The following EMP1 variants were observed in gnomAD, a reference collection of about 807,000 sequenced individuals.
EMP1 encodes tumor-associated membrane protein.
Under a neutral mutation model 15.7 loss-of-function variants are expected in EMP1, and 5 were observed. That is an observed-to-expected ratio of 0.32 (90% CI 0.17 to 0.67). The LOEUF is 0.67. Among genes scored for constraint, EMP1 ranks in the 30% least tolerant of loss-of-function variants. The pLI is 0.74. For missense variants in EMP1, 166 were observed against 194.2 expected (o/e 0.85, Z 0.86); for synonymous variants, 78 against 76.7 (o/e 1.02, Z -0.09).
At position 13,214,729 on chromosome 12, in the gene EMP1, G is replaced by A; in HGVS notation, c.*38G>A. The A allele has an allele frequency of 6.5e-7, 1 of 1,545,804 alleles. No individual in the cohort carries two copies. On this transcript the variant is annotated 3_prime_UTR_variant, in exon 5 of 5. Transcript: ENST00000256951. ...TCATGGGGATCTGGGGGGTGGGGAG[G>A]AGGAAGCCGTTGAATCTGGGAGGGA...
intron 1 of EMP1, chr12:13,199,493 G>A (rs558451615): frequency 6.6e-6 from 1 of 152,226 alleles, no homozygotes; most frequent in South Asian, 2.1e-4. Context: ...GGAGCCTGGT[G>A]GGGCACATAA....
chr12:13,206,890 T>C (rs1864114787), intron 1 of EMP1, among the ~76,000 whole-genome samples: 1 of 151,872 alleles, frequency 6.6e-6, no homozygotes, highest in Non-Finnish European at 1.5e-5. Flanking sequence ...AGGCAATGCA[T>C]GGCAGTCTCA....
chr12:13,213,617 G>C (rs759087942), intron 3 of EMP1, 42 bp downstream of exon 3: 2 of 1,613,894 alleles, frequency 1.2e-6, no homozygotes, highest in African/African-American at 2.7e-5. Flanking sequence ...AATAGGTGTG[G>C]TCAGGGAATG....
chr12:13,207,418 G>T (rs1242818266), intron 1 of EMP1, among the ~76,000 whole-genome samples: 2 of 152,188 alleles, frequency 1.3e-5, no homozygotes, highest in African/African-American at 2.4e-5. Context: ...GTCAGTGTTT[G>T]TGAGGTTTGC....
Position 13,218,445 on chromosome 12 carries a change from G to GT in EMP1, c.*3755dup, listed in dbSNP as rs1478808773. ...TGTATTTAAAGAAGAGCTAGATTTT[G>GT]TGGGGGGAGAGAAGGGAATAGGATA... On this transcript the variant is annotated 3_prime_UTR_variant, in exon 5 of 5. Transcript: ENST00000256951. 1 of 152,236 alleles carries GT rather than the reference G, an allele frequency of 6.6e-6. No homozygotes were observed. The highest frequency in any genetic ancestry group is 1.5e-5 in the Non-Finnish European group (1 of 68,040). 9.4% of individuals were successfully genotyped at this position (152,236 alleles called of 1,614,324 possible).
intron 2 of EMP1, 166 bp from the exon 3 acceptor site, chr12:13,213,313 T>A: frequency 1.5e-6 from 1 of 661,874 alleles, no homozygotes; most frequent in Non-Finnish European, 2.6e-6. Context: ...TGAACTTCAG[T>A]TTTAATCGGA....
Position 13,214,715 on chromosome 12 carries a change from T to TG in EMP1, c.*30dup. ...AAGGCCGGACGAGTTCATGGGGATCTGGGGGGTGGGGAGGAGGAAGCCGTT... is the reference window on the plus strand; with the variant it reads ...AAGGCCGGACGAGTTCATGGGGATCTGGGGGGGTGGGGAGGAGGAAGCCGTT... On this transcript the variant is annotated 3_prime_UTR_variant, in exon 5 of 5. Coordinates refer to ENST00000256951, the MANE Select transcript of EMP1 (RefSeq NM_001423.3). 1.3e-6 allele frequency: 2 copies of TG among 1,535,332 alleles called. No individual in the cohort carries two copies. Among genetic ancestry groups the TG allele is most frequent in the Non-Finnish European group, 1.8e-6 (2 of 1,137,672 alleles).
Position 13,211,361 on chromosome 12 carries a change from T to C in EMP1, c.-42-108T>C. On this transcript the variant is annotated intron_variant, in intron 1 of 4. Coordinates refer to ENST00000256951, the MANE Select transcript of EMP1 (RefSeq NM_001423.3). The surrounding 1 kb of genome is among the most constrained non-coding windows in gnomAD (Gnocchi z 4.7). The stretch of plus-strand genomic sequence containing the variant: ...TTTATGATTAGATTGTGATGGTTTT[T>C]AGTGCAGCTCTTCCTCATGTTAGCA... The C allele has an allele frequency of 1.3e-6, 1 of 748,172 alleles. No individual in the cohort carries two copies. Among genetic ancestry groups the C allele is most frequent in the Non-Finnish European group, 2.3e-6 (1 of 438,334 alleles). 46.3% of individuals were successfully genotyped at this position (748,172 alleles called of 1,614,324 possible). A position where few individuals can be genotyped will look rare whatever the true frequency, so the allele number is the denominator to read the frequency against.
chr12:13,211,471 C>G lies in EMP1; in HGVS notation c.-40C>G, dbSNP rs879177159. The G allele has an allele frequency of 6.3e-7, 1 of 1,599,582 alleles. No homozygotes were observed. Among genetic ancestry groups the G allele is most frequent in the Middle Eastern group, 1.7e-4 (1 of 6,016 alleles). On this transcript the variant is annotated splice_region_variant and 5_prime_UTR_variant, in exon 2 of 5. Coordinates refer to ENST00000256951, the MANE Select transcript of EMP1 (RefSeq NM_001423.3). The surrounding 1 kb of genome is among the most constrained non-coding windows in gnomAD (Gnocchi z 4.7). ...TGTCCCTTTCTTTTTCTTTTCAGAA[C>G]TCTCTTTGCTCACAAGTTACCAAAA...
At chr12:13,200,243 G>A (rs1391193428) in intron 1 of EMP1, among the ~76,000 whole-genome samples, 2 of 152,110 alleles carry the variant, frequency 1.3e-5, no homozygotes, top group East Asian at 3.8e-4. Flanking sequence ...TCCAATACCA[G>A]GACACAGGCT....
At position 13,219,537 on chromosome 12, in the gene EMP1, T is replaced by A. The variant is rs1864241557; in HGVS notation, c.*4846T>A. 1 of 152,236 alleles carries A rather than the reference T, an allele frequency of 6.6e-6. No individual in the cohort carries two copies. The highest frequency in any genetic ancestry group is 2.1e-4 in the South Asian group (1 of 4,834). 9.4% of individuals were successfully genotyped at this position (152,236 alleles called of 1,614,324 possible). The stretch of plus-strand genomic sequence containing the variant: ...ACACTTTCAAGTATCTTTATAGCAA[T>A]GCCCCACTCCTGGTACCAAATTCCT... On this transcript the variant is annotated 3_prime_UTR_variant, in exon 5 of 5. Transcript: ENST00000256951.
chr12:13,215,015 AC>A lies in EMP1; in HGVS notation c.*325del, dbSNP rs1864201814. ...CATCAGCTGCCACAACACCAGCCCC[AC>A]TTCTGGGTCATGCACTGAGGTCCAC... On this transcript the variant is annotated 3_prime_UTR_variant, in exon 5 of 5. Transcript: ENST00000256951. The A allele has an allele frequency of 3.1e-6, 1 of 320,040 alleles. No individual in the cohort carries two copies. Among genetic ancestry groups the A allele is most frequent in the South Asian group, 3.2e-5 (1 of 30,770 alleles). The allele number at this position is 320,040 out of a possible 1,614,324, so 19.8% of individuals were successfully genotyped here. A position where few individuals can be genotyped will look rare whatever the true frequency, so the allele number is the denominator to read the frequency against.
intron 1 of EMP1, among the ~76,000 whole-genome samples, chr12:13,203,118 C>T (rs1864080849): frequency 6.6e-6 from 1 of 152,192 alleles, no homozygotes; most frequent in African/African-American, 2.4e-5. Context: ...AGCTTGCCGC[C>T]TTCCAGGAGG....
intron 1 of EMP1, among the ~76,000 whole-genome samples, chr12:13,199,857 C>A (rs1030490339): frequency 5.9e-5 from 9 of 152,088 alleles, no homozygotes; most frequent in African/African-American, 2.2e-4. Context: ...TGTTGTTGCT[C>A]CACCCAATGA....
chr12:13,210,155 G>A (rs1452471499), intron 1 of EMP1, among the ~76,000 whole-genome samples: 1 of 152,194 alleles, frequency 6.6e-6, no homozygotes, highest in African/African-American at 2.4e-5. Context: ...TATAGTATCA[G>A]TGCTCTCTAA....
chr12:13,201,605 G>A (rs556006400), intron 1 of EMP1, among the ~76,000 whole-genome samples: 11 of 152,232 alleles, frequency 7.2e-5, no homozygotes, highest in East Asian at 1.9e-4. Flanking sequence ...GAGGATTCTC[G>A]TCTCCTGGGT....
rs60389913 is a variant in EMP1, at chr12:13,199,964, C to CTTTT, written c.-43+3106_-43+3109dup. Among the ~76,000 whole-genome samples, 124 of 107,580 alleles carry CTTTT rather than the reference C, an allele frequency of 1.2e-3. 1 individual carries two copies. The highest frequency in any genetic ancestry group is 3.3e-3 in the African/African-American group (108 of 32,388). 70.6% of individuals were successfully genotyped at this position (107,580 alleles called of 152,430 possible). A position where few individuals can be genotyped will look rare whatever the true frequency, so the allele number is the denominator to read the frequency against. Reference sequence around the variant, plus strand: ...ATCTTTTCTTCTTCTTCTTCTTCTTCTTTTTTTTTTTTTTTTTGCCTAAGG... The same window carrying CTTTT: ...ATCTTTTCTTCTTCTTCTTCTTCTTCTTTTTTTTTTTTTTTTTTTTTGCCTAAGG... On this transcript the variant is annotated intron_variant, in intron 1 of 4. Transcript: ENST00000256951.
chr12:13,218,349 A>G lies in EMP1; in HGVS notation c.*3658A>G, dbSNP rs1221670842. On this transcript the variant is annotated 3_prime_UTR_variant, in exon 5 of 5. Coordinates refer to ENST00000256951, the MANE Select transcript of EMP1 (RefSeq NM_001423.3). The stretch of plus-strand genomic sequence containing the variant: ...TGAATAAAGGAAGAAACTCCCTTCA[A>G]TGTTTACTAAGAAATAGTTAGAATA... 3 of 152,246 alleles carry G rather than the reference A, an allele frequency of 2.0e-5. No homozygotes were observed. The highest frequency in any genetic ancestry group is 6.5e-5 in the Admixed American group (1 of 15,282). The allele number at this position is 152,246 out of a possible 1,614,324, so 9.4% of individuals were successfully genotyped here.
At chr12:13,213,997 C>T in intron 4 of EMP1, 176 bp downstream of exon 4, 1 of 943,272 alleles carries the variant, frequency 1.1e-6, no homozygotes, top group Non-Finnish European at 1.7e-6. Flanking sequence ...GTTAAGAACC[C>T]TCATCTGCTT....
Sources: allele counts gnomAD v4.1 joint callset (sites outside exome capture counted in the v4.1 genomes callset), GRCh38; gene constraint gnomAD v4.1.1; non-coding constraint Gnocchi (gnomAD v3.1); transcripts MANE v1.5; gene names NCBI Gene and HGNC (gene_info 2026-07-23, HGNC 2026-07-21).